The following CSNK1G3 variants were observed in gnomAD, a reference collection of about 807,000 sequenced individuals.
CSNK1G3 encodes the protein casein kinase 1 gamma 3, also known as casein kinase I isoform gamma-3.
Under a neutral mutation model 64.3 loss-of-function variants are expected in CSNK1G3, and 23 were observed. The ratio of observed to expected loss-of-function variants is 0.36; its 90% CI spans 0.26 to 0.51. The LOEUF is 0.51. Ranked by LOEUF, CSNK1G3 falls within the 20% of genes least tolerant of loss-of-function variation. CSNK1G3 has a pLI of 0.96. For synonymous variants in CSNK1G3, 158 were observed against 162.2 expected (o/e 0.97, Z 0.20); for missense variants, 357 against 510.5 (o/e 0.70, Z 2.90).
intron 1 of CSNK1G3, among the ~76,000 whole-genome samples, chr5:123,531,825 G>A (rs1779983619): frequency 6.6e-6 from 1 of 151,860 alleles, no homozygotes; most frequent in Admixed American, 6.6e-5. Flanking sequence ...AATATCTCTT[G>A]TAAAAATAAA....
intron 1 of CSNK1G3, among the ~76,000 whole-genome samples, chr5:123,524,984 C>G (rs575018654): frequency 6.6e-6 from 1 of 152,126 alleles, no homozygotes; most frequent in African/African-American, 2.4e-5. Context: ...TTATAGGTAG[C>G]CATTCTTCTC....
Position 123,616,999 on chromosome 5 carries a change from C to T in CSNK1G3, c.*2603C>T, listed in dbSNP as rs928696647. On this transcript the variant is annotated 3_prime_UTR_variant, in exon 13 of 13. Coordinates refer to ENST00000345990, the Ensembl canonical transcript of CSNK1G3. The stretch of plus-strand genomic sequence containing the variant: ...CTTTAATATAAAAAAAATTATACTT[C>T]TCTGAACTGTTTAATAGAGCAATAA... The T allele has an allele frequency of 4.6e-5, 7 of 152,232 alleles. No homozygotes were observed. In the East Asian group the frequency reaches 9.6e-4, roughly 21 times the overall value. 9.4% of individuals were successfully genotyped at this position (152,232 alleles called of 1,614,324 possible). A position where few individuals can be genotyped will look rare whatever the true frequency, so the allele number is the denominator to read the frequency against.
At chr5:123,535,299 C>T (rs142907343) in intron 1 of CSNK1G3, among the ~76,000 whole-genome samples, 2,803 of 152,088 alleles carry the variant, frequency 0.018, 89 homozygotes, top group African/African-American at 0.063. Context: ...TTATCATTGT[C>T]GCATGTTATA....
At chr5:123,556,862 C>G (rs950638076) in intron 3 of CSNK1G3, among the ~76,000 whole-genome samples, 1 of 151,674 alleles carries the variant, frequency 6.6e-6, no homozygotes, top group Non-Finnish European at 1.5e-5. Flanking sequence ...AAAGCATATA[C>G]TGTATAATAT....
chr5:123,543,130 T>C (rs181249599), intron 1 of CSNK1G3, among the ~76,000 whole-genome samples: 1 of 152,190 alleles, frequency 6.6e-6, no homozygotes, highest in East Asian at 1.9e-4. Context: ...TATTGGAAAT[T>C]CTGTGTTGTT....
intron 6 of CSNK1G3, among the ~76,000 whole-genome samples, chr5:123,577,737 A>G (rs1789466340): frequency 6.6e-6 from 1 of 151,954 alleles, no homozygotes; most frequent in Non-Finnish European, 1.5e-5. Context: ...TTATTGAAGT[A>G]AAATTTACAT....
At chr5:123,605,155 AAATT>A (rs199704534) in intron 11 of CSNK1G3, among the ~76,000 whole-genome samples, 180 bp from the exon 13 acceptor site, 1,767 of 152,238 alleles carry the variant, frequency 0.012, 42 homozygotes, top group African/African-American at 0.04. Flanking sequence ...TAAGCATAAG[AAATT>A]AATTTTATAA....
chr5:123,595,942 CA>C (rs1342246480), intron 10 of CSNK1G3, among the ~76,000 whole-genome samples: 3 of 151,946 alleles, frequency 2.0e-5, no homozygotes, highest in Non-Finnish European at 4.4e-5. Flanking sequence ...AATGTTATCC[CA>C]GTACATTTCA....
chr5:123,544,948 A>G (rs1006911236), intron 1 of CSNK1G3, among the ~76,000 whole-genome samples: 2 of 130,236 alleles, frequency 1.5e-5, no homozygotes, highest in Non-Finnish European at 3.3e-5. Flanking sequence ...AATGAAAATC[A>G]TATGATAATA....
At chr5:123,526,658 A>G (rs905707840) in intron 1 of CSNK1G3, among the ~76,000 whole-genome samples, 2 of 152,118 alleles carry the variant, frequency 1.3e-5, no homozygotes, top group Admixed American at 6.5e-5. Context: ...ATAAATTGAA[A>G]CATGTGTTAT....
At chr5:123,568,078 A>G (rs1381946444) in intron 4 of CSNK1G3, among the ~76,000 whole-genome samples, 2 of 152,162 alleles carry the variant, frequency 1.3e-5, no homozygotes, top group African/African-American at 2.4e-5. Context: ...TTCATAGCCC[A>G]ATTTGTTCAA....
intron 1 of CSNK1G3, among the ~76,000 whole-genome samples, chr5:123,530,939 G>A (rs1779824927): frequency 6.6e-6 from 1 of 152,136 alleles, no homozygotes; most frequent in South Asian, 2.1e-4. Context: ...GACACTTGCT[G>A]CTAATAGAAG....
chr5:123,544,699 A>G (rs1397643706), intron 1 of CSNK1G3, among the ~76,000 whole-genome samples: 1 of 152,208 alleles, frequency 6.6e-6, no homozygotes, highest in Non-Finnish European at 1.5e-5. Context: ...CTTGAAAAAT[A>G]TTTTGAGCTT....
chr5:123,535,162 C>T (rs939263676), intron 1 of CSNK1G3, among the ~76,000 whole-genome samples: 9 of 152,086 alleles, frequency 5.9e-5, no homozygotes, highest in African/African-American at 2.2e-4. Context: ...GATAAGAGCA[C>T]CACATATGGT....
At chr5:123,582,174 G>A (rs901389798) in intron 6 of CSNK1G3, among the ~76,000 whole-genome samples, 1 of 152,092 alleles carries the variant, frequency 6.6e-6, no homozygotes, top group Non-Finnish European at 1.5e-5. Flanking sequence ...TGTTAGGCAA[G>A]TGAGGAATGA....
intron 10 of CSNK1G3, among the ~76,000 whole-genome samples, chr5:123,600,361 C>G (rs1794238498): frequency 6.6e-6 from 1 of 152,072 alleles, no homozygotes; most frequent in African/African-American, 2.4e-5. Flanking sequence ...CGTGGTGGCT[C>G]ATGCCTGTAA....
chr5:123,594,143 T>G (rs1324525610), intron 10 of CSNK1G3, among the ~76,000 whole-genome samples: 1 of 152,132 alleles, frequency 6.6e-6, no homozygotes, highest in African/African-American at 2.4e-5. Flanking sequence ...TATGGTAATA[T>G]ATAAAGCAGC....
At chr5:123,575,608 G>T in intron 5 of CSNK1G3, 121 bp from the exon 6 acceptor site, 1 of 644,124 alleles carries the variant, frequency 1.6e-6, no homozygotes, top group African/African-American at 1.8e-5. Context: ...ACTTTTAAAG[G>T]GTTGAAACAA....
At chr5:123,612,737 A>G (rs1032729317) in intron 12 of CSNK1G3, among the ~76,000 whole-genome samples, 1 of 152,092 alleles carries the variant, frequency 6.6e-6, no homozygotes, top group Non-Finnish European at 1.5e-5. Flanking sequence ...TGGCCTCCCA[A>G]AGTGCTGGGA....
Sources: allele counts gnomAD v4.1 joint callset (sites outside exome capture counted in the v4.1 genomes callset), GRCh38; gene constraint gnomAD v4.1.1; transcripts MANE v1.5; gene names NCBI Gene and HGNC (gene_info 2026-07-23, HGNC 2026-07-21).